Variants in PAK5 observed in about 807,000 individuals in gnomAD.
PAK5 encodes the protein p21 (RAC1) activated kinase 5.
PAK5 carries 16 observed loss-of-function variants against 65.9 expected under a neutral mutation model. The observed-to-expected ratio is 0.24, with a 90% confidence interval of 0.16 to 0.37. PAK5 has a LOEUF of 0.37. PAK5 is among the 10% of genes least tolerant of loss of function. The pLI, the probability that PAK5 is intolerant of heterozygous loss-of-function variation, is 1.00. For synonymous variants in PAK5, 371 were observed against 354.9 expected, an observed-to-expected ratio of 1.05 and a Z score of -0.51; for missense variants, 785 against 903.9, an observed-to-expected ratio of 0.87 and a Z score of 1.69.
At chr20:9,566,561 C>T (rs1331651078) in intron 4 of PAK5, among the ~76,000 whole-genome samples, 177 bp from the exon 5 acceptor site, 4 of 151,832 alleles carry the variant, frequency 2.6e-5, no homozygotes, top group Non-Finnish European at 5.9e-5. Context: ...CTGTGGTGCA[C>T]GTGCACCACA....
chr20:9,715,527 T>C (rs1202848032), intron 1 of PAK5, among the ~76,000 whole-genome samples: 3 of 152,068 alleles, frequency 2.0e-5, no homozygotes, highest in South Asian at 2.1e-4. Context: ...ACCATTTGAC[T>C]CAGCCATCCC....
chr20:9,547,563 G>A (rs2045363585), intron 7 of PAK5, among the ~76,000 whole-genome samples: 1 of 152,202 alleles, frequency 6.6e-6, no homozygotes, highest in Admixed American at 6.5e-5. Flanking sequence ...GAAGAGCCAG[G>A]ATTCGGGAAT....
chr20:9,756,909 A>G (rs964127106), intron 1 of PAK5, among the ~76,000 whole-genome samples: 1 of 152,138 alleles, frequency 6.6e-6, no homozygotes, highest in Non-Finnish European at 1.5e-5. Context: ...CGTAGTGTCA[A>G]ATAGTTCATG....
chr20:9,628,869 C>G (rs1316743320), intron 3 of PAK5, among the ~76,000 whole-genome samples: 1 of 152,162 alleles, frequency 6.6e-6, no homozygotes. Context: ...CTCCTGGGAG[C>G]AACGCACAAC....
At chr20:9,545,858 C>T (rs1270529772) in intron 7 of PAK5, among the ~76,000 whole-genome samples, 2 of 152,058 alleles carry the variant, frequency 1.3e-5, no homozygotes, top group Non-Finnish European at 2.9e-5. Context: ...ATGACACCAA[C>T]ATCAATCCAA....
intron 1 of PAK5, among the ~76,000 whole-genome samples, chr20:9,831,780 T>G (rs1257806832): frequency 6.6e-6 from 1 of 152,202 alleles, no homozygotes; most frequent in Non-Finnish European, 1.5e-5. Flanking sequence ...AGTGGTGAGA[T>G]TACAGGTGTG....
At position 9,760,673 on chromosome 20, in the gene PAK5, C is replaced by CTTT. The variant is rs5840332; in HGVS notation, c.-161-49241_-161-49239dup. Among the ~76,000 whole-genome samples, 905 of 122,770 alleles carry CTTT rather than the reference C, an allele frequency of 7.4e-3. 23 individuals carry two copies. The highest frequency in any genetic ancestry group is 0.023 in the African/African-American group (746 of 32,614). The allele number at this position is 122,770 out of a possible 152,430, so 80.5% of individuals were successfully genotyped here. On this transcript the variant is annotated intron_variant, in intron 1 of 9. Coordinates refer to ENST00000353224, the MANE Select transcript of PAK5 (RefSeq NM_177990.4). ...ACATTTATCTTTTTTCTTTTCTTTTCTTTTTTTTTTTTTTTTTAGACAGAG... is the reference window on the plus strand; with the variant it reads ...ACATTTATCTTTTTTCTTTTCTTTTCTTTTTTTTTTTTTTTTTTTTAGACAGAG...
In PAK5 at chr20:9,538,437, C is replaced by T. The variant is rs952027888; in HGVS notation, c.*1025G>A. 2.1e-5 allele frequency: 5 copies of T among 233,552 alleles called. No homozygotes were observed. In the South Asian group the frequency reaches 7.2e-4, roughly 34 times the overall value. The allele number at this position is 233,552 out of a possible 1,614,324, so 14.5% of individuals were successfully genotyped here. Reference sequence around the variant, plus strand: ...AAAAATGGTGACAAATGAAACCAAACGTCTTGCCCTGTTCTCTCCTCTCCC... The same window carrying T: ...AAAAATGGTGACAAATGAAACCAAATGTCTTGCCCTGTTCTCTCCTCTCCC... On this transcript the variant is annotated 3_prime_UTR_variant, in exon 10 of 10. Coordinates refer to ENST00000353224, the MANE Select transcript of PAK5 (RefSeq NM_177990.4).
At chr20:9,573,648 G>A (rs1003952139) in intron 4 of PAK5, among the ~76,000 whole-genome samples, 1 of 152,174 alleles carries the variant, frequency 6.6e-6, no homozygotes, top group Non-Finnish European at 1.5e-5. Flanking sequence ...GGGAGGGTGA[G>A]AGAAAGAAGA....
In PAK5 at chr20:9,569,517, T is replaced by C. The variant is rs532718755; in HGVS notation, c.991-3133A>G. 5.9e-5 allele frequency among the ~76,000 whole-genome samples: 9 copies of C among 152,216 alleles called. No homozygotes were observed. In the East Asian group the frequency reaches 1.5e-3, roughly 26 times the overall value. ...GTGACAAGTGCTGTAGAAAGGAAACTAAGGAAGCAAGGTGTCCTGGAGCCA... is the reference window on the plus strand; with the variant it reads ...GTGACAAGTGCTGTAGAAAGGAAACCAAGGAAGCAAGGTGTCCTGGAGCCA... On this transcript the variant is annotated intron_variant, in intron 4 of 9. Transcript: ENST00000353224.
At chr20:9,760,078 C>T (rs1374593245) in intron 1 of PAK5, among the ~76,000 whole-genome samples, 5 of 152,226 alleles carry the variant, frequency 3.3e-5, no homozygotes, top group Middle Eastern at 3.4e-3. Context: ...AGCTGTCCTT[C>T]CCATGTGATG....
chr20:9,541,525 A>G (rs556382758), intron 9 of PAK5, among the ~76,000 whole-genome samples: 1 of 152,032 alleles, frequency 6.6e-6, no homozygotes, highest in South Asian at 2.1e-4. Context: ...TTCTGACTTT[A>G]CTCCAGCAAT....
chr20:9,561,097 C>T (rs1214604559), intron 6 of PAK5, among the ~76,000 whole-genome samples: 1 of 152,142 alleles, frequency 6.6e-6, no homozygotes, highest in African/African-American at 2.4e-5. Flanking sequence ...TTTAAGATTT[C>T]GAATACCAAG....
At chr20:9,552,633 T>C (rs2045445850) in intron 7 of PAK5, among the ~76,000 whole-genome samples, 1 of 152,204 alleles carries the variant, frequency 6.6e-6, no homozygotes, top group Non-Finnish European at 1.5e-5. Flanking sequence ...ATTTATCTAG[T>C]CTTTTGAGAG....
rs1463915700 is a variant in PAK5, at chr20:9,580,484, C to T, written c.651G>A (p.Trp217Ter). 1 of 1,614,008 alleles carries T rather than the reference C, an allele frequency of 6.2e-7. No individual in the cohort carries two copies. The change falls in exon 4 of 10, where the codon TGG (tryptophan) becomes TGA (stop). Residue 217 changes from tryptophan (W) to a stop codon, truncating the protein, a stop_gained. Transcript: ENST00000353224. LOFTEE classifies it high-confidence loss of function. ...AGCTACTCGAGGCTCTCTGATACTC[C>T]CACTTGAGGTCACTGTATTCACTTG... ...SKPSEYSDLK[W>*]EYQRASSSSP...
At chr20:9,742,569 T>G (rs367720183) in intron 1 of PAK5, among the ~76,000 whole-genome samples, 2 of 152,312 alleles carry the variant, frequency 1.3e-5, no homozygotes, top group South Asian at 4.1e-4. Context: ...ACTGCAGACA[T>G]TCCACTCACA....
At chr20:9,817,932 G>T (rs1193221417) in intron 1 of PAK5, among the ~76,000 whole-genome samples, 1 of 152,226 alleles carries the variant, frequency 6.6e-6, no homozygotes, top group Non-Finnish European at 1.5e-5. Flanking sequence ...ACACAGAGCA[G>T]CTAGGGGTCA....
At position 9,580,371 on chromosome 20, in the gene PAK5, C is replaced by T; in HGVS notation, c.764G>A (p.Ser255Asn). The change falls in exon 4 of 10, where the codon AGT becomes AAT. Residue 255 changes from serine to asparagine, a missense_variant. By Grantham distance (46) the Ser-to-Asn change is conservative (BLOSUM62 1). Around this residue, in one of 4 missense-constraint regions of PAK5, gnomAD observed 422 missense variants for 413.3 expected, o/e 1.02. Coordinates refer to ENST00000353224, the MANE Select transcript of PAK5 (RefSeq NM_177990.4). ...GTCATCCAGGCTGGGTCCCCATTCA[C>T]TTTCACTGTACGCCAGGCTCTCCTT... The part of the protein sequence containing the change: ...CSKESLAYSE[S>N]EWGPSLDDYD... 4 of 1,614,152 alleles carry T rather than the reference C, an allele frequency of 2.5e-6. No homozygotes were observed. Among genetic ancestry groups the T allele is most frequent in the East Asian group, 2.2e-5 (1 of 44,872 alleles).
At chr20:9,793,309 T>C (rs901505773) in intron 1 of PAK5, among the ~76,000 whole-genome samples, 2 of 152,124 alleles carry the variant, frequency 1.3e-5, no homozygotes, top group African/African-American at 4.8e-5. Flanking sequence ...CACATACATG[T>C]TTTAAAAAGA....
Sources: allele counts gnomAD v4.1 joint callset (sites outside exome capture counted in the v4.1 genomes callset), GRCh38; gene constraint gnomAD v4.1.1; regional missense constraint gnomAD v4.1.1; transcripts MANE v1.5; gene names NCBI Gene and HGNC (gene_info 2026-07-23, HGNC 2026-07-21).